TRAPPC9: variants seen among roughly 807,000 people sequenced by gnomAD.
The protein encoded by TRAPPC9 is trafficking protein particle complex subunit 9.
In TRAPPC9, 83 loss-of-function variants were observed where a neutral mutation model predicts 124.0. The observed-to-expected ratio is 0.67, with a 90% confidence interval of 0.56 to 0.80. TRAPPC9 has a LOEUF of 0.80. TRAPPC9 is among the 30% of genes least tolerant of loss of function. TRAPPC9 has a pLI of 0.00. For synonymous variants in TRAPPC9, 638 were observed against 617.5 expected (o/e 1.03, Z -0.49); for missense variants, 1,302 against 1,508.3 (o/e 0.86, Z 2.27).
chr8:140,303,169 G>A (rs763214020), intron 10 of TRAPPC9, among the ~76,000 whole-genome samples: 12 of 152,074 alleles, frequency 7.9e-5, no homozygotes, highest in Non-Finnish European at 7.4e-5. Context: ...AAAGCAACTC[G>A]AAGCTCACTC....
intron 5 of TRAPPC9, among the ~76,000 whole-genome samples, chr8:140,406,595 T>C (rs1195036304): frequency 6.6e-6 from 1 of 152,220 alleles, no homozygotes; most frequent in Non-Finnish European, 1.5e-5. Context: ...TTATTGTTTG[T>C]TCTCTAATTC....
intron 21 of TRAPPC9, among the ~76,000 whole-genome samples, chr8:139,844,410 G>A (rs561211716): frequency 1.2e-4 from 19 of 152,370 alleles, no homozygotes; most frequent in East Asian, 1.2e-3. Flanking sequence ...GTCACAGGAT[G>A]AGAGAGAAGG....
chr8:140,313,164 T>A (rs973956579), intron 9 of TRAPPC9, among the ~76,000 whole-genome samples: 2 of 152,202 alleles, frequency 1.3e-5, no homozygotes, highest in African/African-American at 4.8e-5. Flanking sequence ...AGCCTTTAAA[T>A]AACCAAATCA....
chr8:140,382,832 T>C (rs188555597), intron 7 of TRAPPC9, among the ~76,000 whole-genome samples: 8 of 152,160 alleles, frequency 5.3e-5, no homozygotes, highest in East Asian at 1.9e-4. Flanking sequence ...AGCACGGAGT[T>C]TGAGATCTGA....
intron 17 of TRAPPC9, among the ~76,000 whole-genome samples, chr8:140,031,832 C>T (rs1587540415): frequency 6.6e-6 from 1 of 152,186 alleles, no homozygotes; most frequent in African/African-American, 2.4e-5. Flanking sequence ...AGCCAAGAGG[C>T]CCAGGAGTCC....
chr8:140,325,864 TAAAC>T (rs1179318934), intron 9 of TRAPPC9, among the ~76,000 whole-genome samples: 2 of 152,022 alleles, frequency 1.3e-5, no homozygotes, highest in Admixed American at 6.6e-5. Context: ...ACTAAAGAGA[TAAAC>T]AGCAGCATTC....
At chr8:140,023,846 T>C (rs951136300) in intron 18 of TRAPPC9, 91 bp downstream of exon 18, 3 of 1,590,368 alleles carry the variant, frequency 1.9e-6, no homozygotes, top group African/African-American at 1.3e-5. Flanking sequence ...TCTGACGGGA[T>C]GCATGACAAA....
At chr8:140,327,454 G>T (rs78905053) in intron 9 of TRAPPC9, among the ~76,000 whole-genome samples, 2,425 of 152,226 alleles carry the variant, frequency 0.016, 69 homozygotes, top group African/African-American at 0.056. Flanking sequence ...ACAGATACTT[G>T]CAGACCAATG....
rs188867631 is a variant in TRAPPC9 at position 140,047,379 on chromosome 8, G to A, written c.2557-23300C>T. On this transcript the variant is annotated intron_variant, in intron 17 of 22. Coordinates refer to ENST00000438773, the MANE Select transcript of TRAPPC9 (RefSeq NM_001160372.4). ...TCCGGGTTGCGCTAAGAGCCCGAATGCGAAGGGTATGGAAGTCGTTCTCTG... is the reference window on the plus strand; with the variant it reads ...TCCGGGTTGCGCTAAGAGCCCGAATACGAAGGGTATGGAAGTCGTTCTCTG... Among the ~76,000 whole-genome samples, 6 of 152,376 alleles carry A rather than the reference G, an allele frequency of 3.9e-5. No homozygotes were observed. The East Asian group carries it at 9.6e-4, about 24-fold the overall frequency.
At position 140,087,721 on chromosome 8, in the gene TRAPPC9, C is replaced by T. The variant is rs1287136380; in HGVS notation, c.2557-63642G>A. On this transcript the variant is annotated intron_variant, in intron 17 of 22. Transcript: ENST00000438773. This position sits in a 1 kb window ranked among gnomAD's most constrained non-coding sequence, Gnocchi z 4.6. Reference sequence around the variant, plus strand: ...ATGCCACTGGCTCCCCACCTCGTCTCCCCTGCCTCTACTCGTCCACGTTTC... The same window carrying T: ...ATGCCACTGGCTCCCCACCTCGTCTTCCCTGCCTCTACTCGTCCACGTTTC... 1.3e-5 allele frequency among the ~76,000 whole-genome samples: 2 copies of T among 152,186 alleles called. No individual in the cohort carries two copies. The highest frequency in any genetic ancestry group is 2.9e-5 in the Non-Finnish European group (2 of 68,036).
Position 140,307,656 on chromosome 8 carries a change from T to C in TRAPPC9, c.1622+3592A>G, listed in dbSNP as rs570961889. 4.6e-5 allele frequency among the ~76,000 whole-genome samples: 7 copies of C among 152,312 alleles called. No homozygotes were observed. In the South Asian group the frequency reaches 1.5e-3, roughly 32 times the overall value. ...CACAGATTCTAGGAAAGCTAAATAT[T>C]TATTTTCTCAGCCTGTCTTGCAATT... On this transcript the variant is annotated intron_variant, in intron 10 of 22. Transcript: ENST00000438773.
At chr8:140,430,001 G>C (rs1315767525) in intron 4 of TRAPPC9, among the ~76,000 whole-genome samples, 1 of 151,600 alleles carries the variant, frequency 6.6e-6, no homozygotes, top group Non-Finnish European at 1.5e-5. Context: ...ACAAAAATTA[G>C]CTGGGCGAGG....
intron 19 of TRAPPC9, among the ~76,000 whole-genome samples, chr8:139,925,512 C>T (rs1271943796): frequency 6.6e-6 from 1 of 152,130 alleles, no homozygotes; most frequent in African/African-American, 2.4e-5. Flanking sequence ...CTTTGGGAGG[C>T]CGAGGCGGGC....
intron 21 of TRAPPC9, among the ~76,000 whole-genome samples, chr8:139,834,471 G>A (rs1826194975): frequency 6.6e-6 from 1 of 152,244 alleles, no homozygotes; most frequent in South Asian, 2.1e-4. Context: ...CTGAGGAAGG[G>A]GGGCGGGCAC....
At chr8:139,951,209 C>T (rs890546994) in intron 19 of TRAPPC9, among the ~76,000 whole-genome samples, 21 of 152,226 alleles carry the variant, frequency 1.4e-4, no homozygotes, top group African/African-American at 5.1e-4. Flanking sequence ...AGCCCTACTC[C>T]TATAGGGGCT....
intron 16 of TRAPPC9, among the ~76,000 whole-genome samples, chr8:140,240,621 G>T (rs72688849): frequency 0.1 from 15,220 of 152,214 alleles, 876 homozygotes; most frequent in African/African-American, 0.16. Context: ...CGCCCAGGTT[G>T]GCGTGCAGTG....
intron 17 of TRAPPC9, among the ~76,000 whole-genome samples, chr8:140,207,621 G>T (rs903736630): frequency 6.6e-6 from 1 of 152,222 alleles, no homozygotes; most frequent in African/African-American, 2.4e-5. Context: ...ACCTAGCACT[G>T]CAAAGATTCC....
At chr8:140,440,935 G>A (rs1391375909) in intron 2 of TRAPPC9, among the ~76,000 whole-genome samples, 1 of 149,566 alleles carries the variant, frequency 6.7e-6, no homozygotes, top group Non-Finnish European at 1.5e-5. Flanking sequence ...CTGCACTTTG[G>A]GTTAAGTGTC....
At chr8:140,162,903 G>A (rs1278965716) in intron 17 of TRAPPC9, among the ~76,000 whole-genome samples, 1 of 151,918 alleles carries the variant, frequency 6.6e-6, no homozygotes, top group Non-Finnish European at 1.5e-5. Flanking sequence ...GAGGTGGGAG[G>A]ATTGCTTGAG....
Sources: gnomAD v4.1 joint callset for allele counts (sites outside exome capture counted in the v4.1 genomes callset) on GRCh38, gnomAD v4.1.1 for gene constraint, Gnocchi (gnomAD v3.1) non-coding constraint, MANE v1.5 for transcripts, NCBI Gene and HGNC (gene_info 2026-07-23, HGNC 2026-07-21) for gene names.